AKAP6: variants seen among roughly 807,000 people sequenced by gnomAD.
AKAP6 encodes A-kinase anchor protein 6.
Under a neutral mutation model 188.5 loss-of-function variants are expected in AKAP6, and 58 were observed. The observed-to-expected ratio is 0.31, with a 90% confidence interval of 0.25 to 0.38. The LOEUF is 0.38. Ranked by LOEUF, AKAP6 falls within the 10% of genes least tolerant of loss-of-function variation. The pLI, the probability that AKAP6 is intolerant of heterozygous loss-of-function variation, is 1.00. For missense variants in AKAP6, 2,710 were observed against 2,740.0 expected (o/e 0.99, Z 0.24); for synonymous variants, 989 against 998.6 (o/e 0.99, Z 0.18).
chr14:32,584,430 A>G (rs1367885263), intron 5 of AKAP6, among the ~76,000 whole-genome samples: 1 of 152,180 alleles, frequency 6.6e-6, no homozygotes, highest in East Asian at 1.9e-4. Context: ...GGAGCTTTGC[A>G]TTTATATTTT....
chr14:32,367,912 G>T (rs1887885681), intron 1 of AKAP6, among the ~76,000 whole-genome samples: 1 of 152,166 alleles, frequency 6.6e-6, no homozygotes, highest in African/African-American at 2.4e-5. Context: ...TATTATGAAT[G>T]CTTCTGGAGA....
Position 32,384,035 on chromosome 14 carries a change from C to T in AKAP6, c.-34-49425C>T, listed in dbSNP as rs568713186. 3.0e-4 allele frequency among the ~76,000 whole-genome samples: 46 copies of T among 152,250 alleles called. 1 individual carries two copies. The highest frequency in any genetic ancestry group is 3.9e-4 in the Admixed American group (6 of 15,286). On this transcript the variant is annotated intron_variant, in intron 1 of 13. Transcript: ENST00000280979. ...AGGCTGTTAATGGACTGGTTCATGA[C>T]GCACAAACAGCCACCAGTAATGTGA...
chr14:32,549,108 G>A (rs1413079877), intron 4 of AKAP6, among the ~76,000 whole-genome samples: 4 of 152,104 alleles, frequency 2.6e-5, no homozygotes, highest in East Asian at 1.9e-4. Context: ...TCAAGTATTC[G>A]TGTATCTAGT....
At chr14:32,357,862 A>G (rs1386758417) in intron 1 of AKAP6, among the ~76,000 whole-genome samples, 2 of 152,226 alleles carry the variant, frequency 1.3e-5, no homozygotes, top group East Asian at 3.8e-4. Context: ...CACAATCTGC[A>G]TTGTAGCATA....
chr14:32,397,778 C>G (rs1888928808), intron 1 of AKAP6, among the ~76,000 whole-genome samples: 2 of 152,132 alleles, frequency 1.3e-5, no homozygotes, highest in African/African-American at 4.8e-5. Flanking sequence ...ATAAGGAAGG[C>G]CAAAACTAGC....
chr14:32,525,357 C>T (rs1882068302), intron 2 of AKAP6, among the ~76,000 whole-genome samples: 1 of 152,104 alleles, frequency 6.6e-6, no homozygotes, highest in South Asian at 2.1e-4. Flanking sequence ...CAATTTTATG[C>T]AAAAAATTTT....
intron 9 of AKAP6, among the ~76,000 whole-genome samples, chr14:32,701,067 C>A (rs2139714224): frequency 1.3e-5 from 2 of 152,144 alleles, no homozygotes; most frequent in East Asian, 3.9e-4. Flanking sequence ...CATATAAGTC[C>A]AAACATGTCC....
At chr14:32,824,987 G>GA (rs11438269) in intron 13 of AKAP6, among the ~76,000 whole-genome samples, 172 bp downstream of exon 13, 14,566 of 145,302 alleles carry the variant, frequency 0.1, 820 homozygotes, top group African/African-American at 0.16. Context: ...TGAAGCAAAA[G>GA]AAAAAAAAAA....
chr14:32,725,236 A>G (rs1003966128), intron 9 of AKAP6, among the ~76,000 whole-genome samples: 1 of 152,152 alleles, frequency 6.6e-6, no homozygotes, highest in Non-Finnish European at 1.5e-5. Context: ...ATTAGGATGT[A>G]TCTTGCAGAG....
chr14:32,809,534 C>T (rs1470535688), intron 12 of AKAP6, among the ~76,000 whole-genome samples: 1 of 152,164 alleles, frequency 6.6e-6, no homozygotes, highest in African/African-American at 2.4e-5. Flanking sequence ...AGGACTGTTC[C>T]TCCCCAGCAC....
At chr14:32,672,958 G>A (rs781455889) in intron 7 of AKAP6, among the ~76,000 whole-genome samples, 52 of 152,276 alleles carry the variant, frequency 3.4e-4, no homozygotes, top group Non-Finnish European at 5.7e-4. Context: ...GCTTCCGCTG[G>A]CACTTCATTG....
chr14:32,780,605 C>A (rs776854377), intron 12 of AKAP6, among the ~76,000 whole-genome samples: 1 of 152,122 alleles, frequency 6.6e-6, no homozygotes, highest in Admixed American at 6.5e-5. Flanking sequence ...ATAACATCTA[C>A]TAAAACTCTC....
rs1234392840 is a variant in AKAP6 at position 32,577,187 on chromosome 14, G to T, written c.2414G>T (p.Trp805Leu). Reference protein sequence around the residue: ...LNEAMETTENWTPPKAEMDDL... With the variant: ...LNEAMETTENLTPPKAEMDDL... ...GAAGCCATGGAAACTACAGAAAATT[G>T]GACTCCCCCTAAAGCAGAGATGGAT... The change falls in exon 5 of 14, where the codon TGG becomes TTG. Residue 805 changes from tryptophan to leucine, a missense_variant. This residue lies in a region of AKAP6 where 2,473 missense variants were observed against 2,426.1 expected (regional missense o/e 1.02). Coordinates refer to ENST00000280979, the MANE Select transcript of AKAP6 (RefSeq NM_004274.5). 8.1e-6 allele frequency: 13 copies of T among 1,612,398 alleles called. No individual in the cohort carries two copies. The highest frequency in any genetic ancestry group is 1.1e-5 in the Non-Finnish European group (13 of 1,179,124).
chr14:32,412,092 C>T (rs116727906), intron 1 of AKAP6, among the ~76,000 whole-genome samples: 5,119 of 152,206 alleles, frequency 0.034, 215 homozygotes, highest in African/African-American at 0.1. Context: ...AACAAAAAAA[C>T]ATTTTCCAGT....
chr14:32,443,128 T>C (rs1890636034), intron 2 of AKAP6, among the ~76,000 whole-genome samples: 1 of 152,078 alleles, frequency 6.6e-6, no homozygotes, highest in African/African-American at 2.4e-5. Flanking sequence ...AGGCGTGGTG[T>C]CTCACGCCTG....
At chr14:32,497,559 A>G (rs1880385698) in intron 2 of AKAP6, among the ~76,000 whole-genome samples, 1 of 152,106 alleles carries the variant, frequency 6.6e-6, no homozygotes, top group African/African-American at 2.4e-5. Context: ...AAAAGAATGT[A>G]TTCTACTGTT....
intron 1 of AKAP6, among the ~76,000 whole-genome samples, chr14:32,380,289 CCCACCGG>C (rs761514631): frequency 1.3e-5 from 2 of 152,120 alleles, no homozygotes; most frequent in Non-Finnish European, 2.9e-5. Context: ...TTTCTGAGTT[CCCACCGG>C]CCCCCCGTTC....
intron 2 of AKAP6, among the ~76,000 whole-genome samples, chr14:32,496,454 G>C (rs1173877013): frequency 1.3e-5 from 2 of 152,002 alleles, no homozygotes; most frequent in East Asian, 3.9e-4. Context: ...AAGCCCTTGG[G>C]GGTCCTTAGA....
intron 7 of AKAP6, among the ~76,000 whole-genome samples, chr14:32,609,265 C>T (rs932154810): frequency 2.0e-5 from 3 of 152,112 alleles, no homozygotes; most frequent in African/African-American, 7.2e-5. Context: ...TTGAGTTGTC[C>T]ACATTTTGCT....
Sources: allele counts gnomAD v4.1 joint callset (sites outside exome capture counted in the v4.1 genomes callset), GRCh38; gene constraint gnomAD v4.1.1; regional missense constraint gnomAD v4.1.1; transcripts MANE v1.5; gene names NCBI Gene and HGNC (gene_info 2026-07-23, HGNC 2026-07-21).